GSK3B: variants seen among roughly 807,000 people sequenced by gnomAD.
GSK3B encodes the protein glycogen synthase kinase 3 beta.
Under a neutral mutation model 56.4 loss-of-function variants are expected in GSK3B, and 15 were observed. The observed-to-expected ratio is 0.27, with a 90% CI of 0.18 to 0.41. GSK3B has a LOEUF of 0.41. Ranked by LOEUF, GSK3B falls within the 10% of genes least tolerant of loss-of-function variation. GSK3B has a pLI of 1.00. For missense variants in GSK3B, 300 were observed against 513.4 expected (o/e 0.58, Z 4.02); for synonymous variants, 181 against 188.9 (o/e 0.96, Z 0.34).
intron 1 of GSK3B, among the ~76,000 whole-genome samples, chr3:120,005,202 T>C (rs2057715949): frequency 6.6e-6 from 1 of 150,828 alleles, no homozygotes; most frequent in Non-Finnish European, 1.5e-5. Flanking sequence ...ATTAATGAAA[T>C]AAAGCGAGAA....
intron 3 of GSK3B, among the ~76,000 whole-genome samples, chr3:119,944,272 T>G (rs1316730945): frequency 6.6e-6 from 1 of 152,068 alleles, no homozygotes; most frequent in African/African-American, 2.4e-5. Context: ...AAAAGAAAAT[T>G]TCTAATAACC....
chr3:119,924,373 T>G (rs1319148564), intron 3 of GSK3B, among the ~76,000 whole-genome samples: 1 of 152,218 alleles, frequency 6.6e-6, no homozygotes, highest in Non-Finnish European at 1.5e-5. Flanking sequence ...ATAAACAAAC[T>G]TTCACAATCT....
chr3:119,852,577 A>C (rs921069916), intron 9 of GSK3B, among the ~76,000 whole-genome samples: 7 of 152,020 alleles, frequency 4.6e-5, no homozygotes, highest in African/African-American at 1.7e-4. Context: ...CGAACTCTTT[A>C]CCTCATGTGA....
At chr3:119,953,051 T>C (rs2057173969) in intron 2 of GSK3B, among the ~76,000 whole-genome samples, 1 of 151,914 alleles carries the variant, frequency 6.6e-6, no homozygotes, top group South Asian at 2.1e-4. Flanking sequence ...TATAAGGCAA[T>C]AACAGCAAAA....
chr3:119,872,699 T>C (rs2056263374), intron 8 of GSK3B, among the ~76,000 whole-genome samples: 1 of 152,142 alleles, frequency 6.6e-6, no homozygotes, highest in African/African-American at 2.4e-5. Context: ...GAGTGCTACA[T>C]CCTTCACATT....
chr3:119,883,589 C>T (rs534266202), intron 7 of GSK3B, among the ~76,000 whole-genome samples: 3 of 152,240 alleles, frequency 2.0e-5, no homozygotes, highest in African/African-American at 7.2e-5. Context: ...AAAACAACCA[C>T]AAACAAAAGT....
intron 1 of GSK3B, among the ~76,000 whole-genome samples, chr3:120,079,560 A>G (rs959159877): frequency 6.6e-6 from 1 of 151,612 alleles, no homozygotes; most frequent in African/African-American, 2.4e-5. Flanking sequence ...GTACCCGGCT[A>G]ATTTTTGTAT....
At chr3:119,999,741 T>C (rs1480982129) in intron 2 of GSK3B, among the ~76,000 whole-genome samples, 1 of 152,160 alleles carries the variant, frequency 6.6e-6, no homozygotes, top group African/African-American at 2.4e-5. Context: ...TTTTCATAAA[T>C]GCACAGAATT....
At chr3:119,885,004 G>GA (rs1415226098) in intron 7 of GSK3B, among the ~76,000 whole-genome samples, 1 of 151,786 alleles carries the variant, frequency 6.6e-6, no homozygotes, top group African/African-American at 2.4e-5. Context: ...TCAGGCAGGA[G>GA]AAAAAAATAA....
intron 9 of GSK3B, among the ~76,000 whole-genome samples, chr3:119,850,844 C>G (rs538430124): frequency 6.6e-6 from 1 of 151,802 alleles, no homozygotes; most frequent in Non-Finnish European, 1.5e-5. Flanking sequence ...GATATGTGTG[C>G]TAAGCTTGAG....
intron 1 of GSK3B, among the ~76,000 whole-genome samples, chr3:120,057,152 AAAAAAG>A (rs1053353654): frequency 3.9e-5 from 6 of 152,242 alleles, no homozygotes; most frequent in African/African-American, 9.6e-5. Flanking sequence ...CTCAAAAAAG[AAAAAAG>A]AAAAAGAAAA....
intron 8 of GSK3B, among the ~76,000 whole-genome samples, chr3:119,873,459 G>C (rs1345062033): frequency 1.3e-5 from 2 of 152,034 alleles, no homozygotes; most frequent in African/African-American, 4.8e-5. Flanking sequence ...CAGCAACAAA[G>C]GTAAAGTGGT....
intron 1 of GSK3B, chr3:120,041,483 C>T: frequency 4.0e-6 from 1 of 248,616 alleles, no homozygotes; most frequent in Non-Finnish European, 8.6e-6. Flanking sequence ...TCAATGTGAT[C>T]ATTGTTGGCT....
intron 8 of GSK3B, among the ~76,000 whole-genome samples, chr3:119,866,357 A>C (rs1163353923): frequency 6.6e-6 from 1 of 152,190 alleles, no homozygotes; most frequent in Non-Finnish European, 1.5e-5. Context: ...TTAAAACCCC[A>C]CAATTCCTAA....
At chr3:119,930,677 T>A (rs777919578) in intron 3 of GSK3B, among the ~76,000 whole-genome samples, 1 of 152,174 alleles carries the variant, frequency 6.6e-6, no homozygotes, top group African/African-American at 2.4e-5. Flanking sequence ...CAGATCAAAC[T>A]TGACAGTAAT....
At chr3:119,832,920 CT>C in intron 10 of GSK3B, 1 of 909,854 alleles carries the variant, frequency 1.1e-6, no homozygotes, top group Non-Finnish European at 1.3e-6. Flanking sequence ...ATCATAATTT[CT>C]TTTTATAGGA....
intron 9 of GSK3B, among the ~76,000 whole-genome samples, chr3:119,855,417 G>A (rs2056004840): frequency 6.6e-6 from 1 of 152,224 alleles, no homozygotes; most frequent in Non-Finnish European, 1.5e-5. Context: ...GGAAGACAGT[G>A]TGGCGATTCC....
chr3:119,956,884 A>G (rs991974294), intron 2 of GSK3B, among the ~76,000 whole-genome samples: 1 of 152,224 alleles, frequency 6.6e-6, no homozygotes, highest in Non-Finnish European at 1.5e-5. Context: ...AGGACCAGAC[A>G]CTAAATTCTT....
intron 2 of GSK3B, among the ~76,000 whole-genome samples, chr3:119,977,015 T>G (rs1344654700): frequency 6.6e-6 from 1 of 152,088 alleles, no homozygotes; most frequent in Admixed American, 6.6e-5. Context: ...AAGAAGAAAT[T>G]CAAGTCCACA....
Sources: gnomAD v4.1 joint callset for allele counts (sites outside exome capture counted in the v4.1 genomes callset) on GRCh38, gnomAD v4.1.1 for gene constraint, MANE v1.5 for transcripts, NCBI Gene and HGNC (gene_info 2026-07-23, HGNC 2026-07-21) for gene names.